The following RUNX1 variants were observed in gnomAD, a reference collection of about 807,000 sequenced individuals.
The protein encoded by RUNX1 is runt-related transcription factor 1.
Under a neutral mutation model 42.8 loss-of-function variants are expected in RUNX1, and 19 were observed. The ratio of observed to expected loss-of-function variants is 0.44; its 90% CI spans 0.31 to 0.65. RUNX1 has a LOEUF of 0.65. RUNX1 is among the 30% of genes least tolerant of loss of function. The pLI is 0.07. For missense variants in RUNX1, 528 were observed against 672.0 expected, an observed-to-expected ratio of 0.79 and a Z score of 2.37; for synonymous variants, 271 against 289.4, an observed-to-expected ratio of 0.94 and a Z score of 0.64.
At chr21:34,905,690 C>T (rs779967409) in intron 2 of RUNX1, among the ~76,000 whole-genome samples, 49 of 152,140 alleles carry the variant, frequency 3.2e-4, no homozygotes, top group Non-Finnish European at 5.6e-4. Flanking sequence ...TATATGGAAG[C>T]ATAAAAGCAC....
chr21:34,945,828 A>T (rs2058559642), intron 2 of RUNX1, among the ~76,000 whole-genome samples: 1 of 152,174 alleles, frequency 6.6e-6, no homozygotes, highest in Non-Finnish European at 1.5e-5. Flanking sequence ...AATGTGAACT[A>T]TCGAAGCTCT....
intron 2 of RUNX1, among the ~76,000 whole-genome samples, chr21:34,913,664 T>C (rs2058290074): frequency 6.6e-6 from 1 of 152,222 alleles, no homozygotes; most frequent in Non-Finnish European, 1.5e-5. Flanking sequence ...GGGGACCCTT[T>C]ACATTGTATT....
intron 2 of RUNX1, among the ~76,000 whole-genome samples, chr21:34,914,511 C>T (rs192231512): frequency 1.3e-5 from 2 of 152,104 alleles, no homozygotes; most frequent in Non-Finnish European, 2.9e-5. Flanking sequence ...GGTCATTTCA[C>T]GGGGGGCAGC....
intron 2 of RUNX1, among the ~76,000 whole-genome samples, chr21:34,972,458 C>A (rs546494931): frequency 6.6e-6 from 1 of 152,288 alleles, no homozygotes; most frequent in Admixed American, 6.5e-5. Context: ...TTGCCCTATA[C>A]AGCAAACAAA....
Position 34,994,134 on chromosome 21 carries a change from T to A in RUNX1, c.58+54708A>T, listed in dbSNP as rs575172932. The stretch of plus-strand genomic sequence containing the variant: ...AAAGTAAAGGTTGTGATGATAAACA[T>A]AGAGCAAGTTTTGACAACCATTGGA... On this transcript the variant is annotated intron_variant, in intron 2 of 8. Coordinates refer to ENST00000675419, the MANE Select transcript of RUNX1 (RefSeq NM_001754.5). Among the ~76,000 whole-genome samples, 5 of 152,176 alleles carry A rather than the reference T, an allele frequency of 3.3e-5. No homozygotes were observed. In the South Asian group the frequency reaches 1.0e-3, roughly 32 times the overall value.
intron 7 of RUNX1, among the ~76,000 whole-genome samples, chr21:34,823,449 T>TTTTTTTG (rs2056940437): frequency 2.0e-5 from 1 of 51,260 alleles, no homozygotes; most frequent in Non-Finnish European, 6.0e-5. Flanking sequence ...TTTTTTTTTT[T>TTTTTTTG]TTTTTTTTTT....
intron 2 of RUNX1, among the ~76,000 whole-genome samples, chr21:35,029,800 C>T (rs1029257914): frequency 6.6e-6 from 1 of 152,212 alleles, no homozygotes; most frequent in Non-Finnish European, 1.5e-5. Flanking sequence ...GTGCCCCCAA[C>T]TCTGCTTCTA....
intron 2 of RUNX1, among the ~76,000 whole-genome samples, chr21:34,912,691 G>A (rs568692386): frequency 6.6e-6 from 1 of 152,324 alleles, no homozygotes; most frequent in South Asian, 2.1e-4. Flanking sequence ...TCTTTGAGAT[G>A]CAGGCATTTG....
chr21:34,941,883 A>C (rs2058529830), intron 2 of RUNX1, among the ~76,000 whole-genome samples: 1 of 150,854 alleles, frequency 6.6e-6, no homozygotes, highest in African/African-American at 2.4e-5. Flanking sequence ...CATATGCAGC[A>C]AGTTAAAGCT....
intron 2 of RUNX1, among the ~76,000 whole-genome samples, chr21:35,048,142 G>A (rs2059414361): frequency 6.6e-6 from 1 of 152,248 alleles, no homozygotes; most frequent in South Asian, 2.1e-4. Context: ...TTTCCAGAGA[G>A]ACCTCGGTAT....
chr21:34,872,527 A>AT (rs1184427048), intron 5 of RUNX1, among the ~76,000 whole-genome samples: 3 of 152,214 alleles, frequency 2.0e-5, no homozygotes, highest in African/African-American at 7.2e-5. Context: ...GATGTTCTCT[A>AT]TTTTTTATTC....
intron 5 of RUNX1, among the ~76,000 whole-genome samples, chr21:34,865,438 A>T (rs1037260898): frequency 6.6e-6 from 1 of 152,128 alleles, no homozygotes; most frequent in African/African-American, 2.4e-5. Context: ...TGAGTGGCTG[A>T]TATGCTATGT....
intron 7 of RUNX1, among the ~76,000 whole-genome samples, chr21:34,827,935 T>C (rs2057011653): frequency 6.6e-6 from 1 of 152,156 alleles, no homozygotes; most frequent in African/African-American, 2.4e-5. Context: ...AGCAGGGCAA[T>C]GTTGAACAGA....
At chr21:34,914,197 G>T (rs770409876) in intron 2 of RUNX1, among the ~76,000 whole-genome samples, 1 of 152,218 alleles carries the variant, frequency 6.6e-6, no homozygotes, top group Non-Finnish European at 1.5e-5. Flanking sequence ...AGCTGAGTTT[G>T]TCTGTAGCTG....
At chr21:34,826,710 G>A (rs1422190142) in intron 7 of RUNX1, among the ~76,000 whole-genome samples, 1 of 152,072 alleles carries the variant, frequency 6.6e-6, no homozygotes, top group African/African-American at 2.4e-5. Context: ...CTCCCAAAGT[G>A]GTGGGATTAC....
chr21:34,848,609 A>G (rs932929246), intron 6 of RUNX1, among the ~76,000 whole-genome samples: 34 of 152,012 alleles, frequency 2.2e-4, no homozygotes, highest in Non-Finnish European at 1.2e-4. Context: ...TAATTTTTGT[A>G]TTTTTAGTAG....
chr21:35,046,525 C>G (rs2059397403), intron 2 of RUNX1, among the ~76,000 whole-genome samples: 1 of 152,206 alleles, frequency 6.6e-6, no homozygotes, highest in African/African-American at 2.4e-5. Context: ...AGTGGCCCAG[C>G]TATGGCAACA....
Position 34,886,895 on chromosome 21 carries a change from G to T in RUNX1, c.299C>A (p.Ser100Tyr). The T allele has an allele frequency of 1.2e-6, 2 of 1,613,684 alleles. No homozygotes were observed. The highest frequency in any genetic ancestry group is 1.7e-6 in the Non-Finnish European group (2 of 1,179,772). ...GCAGCGCCAGTGCGTAGGCAGCACG[G>T]AGCAGAGGAAGTTGGGGCTGTCGGT... ...VRTDSPNFLC[S>Y]VLPTHWRCNK... is the part of the protein sequence containing the mutation. The change falls in exon 4 of 9, where the codon TCC (serine) becomes TAC (tyrosine). Residue 100 changes from serine (S) to tyrosine (Y), a missense_variant. Physicochemically the swap from Ser to Tyr is moderately radical, Grantham distance 144. Transcript: ENST00000675419.
At chr21:35,043,246 AG>A (rs2059372703) in intron 2 of RUNX1, among the ~76,000 whole-genome samples, 1 of 152,146 alleles carries the variant, frequency 6.6e-6, no homozygotes, top group Non-Finnish European at 1.5e-5. Context: ...ATTTTATGAG[AG>A]GGAAGAGGTC....
Sources: allele counts gnomAD v4.1 joint callset (sites outside exome capture counted in the v4.1 genomes callset), GRCh38; gene constraint gnomAD v4.1.1; transcripts MANE v1.5; gene names NCBI Gene and HGNC (gene_info 2026-07-23, HGNC 2026-07-21).